The following JHY variants were observed in gnomAD, a reference collection of about 807,000 sequenced individuals.
JHY encodes junctional cadherin complex regulator.
JHY carries 69 observed loss-of-function variants against 78.0 expected under a neutral mutation model. The observed-to-expected ratio is 0.88, with a 90% confidence interval of 0.73 to 1.08. JHY has a LOEUF of 1.08. Among genes scored for constraint, JHY ranks in the 50% least tolerant of loss-of-function variants. The probability of loss-of-function intolerance (pLI) is 0.00; values close to 1 mark genes in which losing one functional copy is unlikely to be tolerated. For synonymous variants in JHY, 368 were observed against 342.6 expected (o/e 1.07, Z -0.82); for missense variants, 944 against 927.8 (o/e 1.02, Z -0.23).
intron 3 of JHY, among the ~76,000 whole-genome samples, chr11:122,919,464 T>C (rs1007232550): frequency 1.3e-5 from 2 of 151,090 alleles, no homozygotes; most frequent in African/African-American, 2.4e-5. Flanking sequence ...ATGGTGCCCC[T>C]GGCGCATCAG....
rs1863731054 is a variant in JHY, at chr11:122,935,315, A to G, written c.1634+240A>G. Among the ~76,000 whole-genome samples, 1 of 151,492 alleles carries G rather than the reference A, an allele frequency of 6.6e-6. No individual in the cohort carries two copies. Among genetic ancestry groups the G allele is most frequent in the South Asian group, 2.1e-4 (1 of 4,768 alleles). On this transcript the variant is annotated intron_variant, in intron 5 of 8. Transcript: ENST00000227349. The surrounding 1 kb of genome is among the most constrained non-coding windows in gnomAD (Gnocchi z 4.5). ...AGTGGTGCCATCTTGGCTCATTGCA[A>G]CCTCCGCCTCCCGAGCTCAAGCAAT... is the stretch of plus-strand genomic sequence containing the variant.
intron 6 of JHY, among the ~76,000 whole-genome samples, chr11:122,952,242 TTGG>T (rs1482364917): frequency 6.6e-6 from 1 of 152,158 alleles, no homozygotes; most frequent in Non-Finnish European, 1.5e-5. Context: ...TTTACACAAC[TTGG>T]TGAATATACT....
rs1410572880 is a variant in JHY, at chr11:122,946,792, G to A, written c.1929G>A (p.Lys643=). The A allele has an allele frequency of 6.3e-7, 1 of 1,599,262 alleles. No homozygotes were observed. The highest frequency in any genetic ancestry group is 8.5e-7 in the Non-Finnish European group (1 of 1,175,692). ...AGCATAAGAAAAGAAGCAGCAGTAA[G>A]GTAATAAAAGCGCCATTTTTACCAA... ...GKKHKKRSSS[K]NTKLKGYQKR... Residue 643 remains lysine (K), a splice_region_variant and synonymous_variant, in exon 6 of 9, where the codon AAG becomes AAA. Transcript: ENST00000227349.
At position 122,962,829 on chromosome 11, in the gene JHY, G is replaced by T. The variant is rs576074056; in HGVS notation, c.*3384G>T. Among the ~76,000 whole-genome samples the T allele has an allele frequency of 6.6e-6, 1 of 152,264 alleles. No homozygotes were observed. Among genetic ancestry groups the T allele is most frequent in the African/African-American group, 2.4e-5 (1 of 41,548 alleles). On this transcript the variant is annotated 3_prime_UTR_variant, in exon 9 of 9. Coordinates refer to ENST00000227349, the MANE Select transcript of JHY (RefSeq NM_024806.4). ...AAGAGAAAGGTTACATGACTCGGAA[G>T]TCCATCAGTCCTACTGAGAGTAATG...
rs1033878359 is a variant in JHY, at chr11:122,959,656, T to C, written c.*211T>C. 1.9e-6 allele frequency: 1 copy of C among 524,378 alleles called. No homozygotes were observed. The highest frequency in any genetic ancestry group is 3.3e-5 in the East Asian group (1 of 30,632). 32.5% of individuals were successfully genotyped at this position (524,378 alleles called of 1,614,324 possible). A position where few individuals can be genotyped will look rare whatever the true frequency, so the allele number is the denominator to read the frequency against. On this transcript the variant is annotated 3_prime_UTR_variant, in exon 9 of 9. Transcript: ENST00000227349. ...TAGGAAGAAAATTTTTTAAATTATT[T>C]ATTTTCAAATCAGTTAGAATTGGAG...
chr11:122,910,611 A>C (rs1362445090), intron 3 of JHY, among the ~76,000 whole-genome samples: 1 of 152,194 alleles, frequency 6.6e-6, no homozygotes, highest in Non-Finnish European at 1.5e-5. Context: ...ACAACTTTTT[A>C]CTGTGTACCT....
intron 2 of JHY, among the ~76,000 whole-genome samples, chr11:122,897,767 G>C (rs1341626439): frequency 6.6e-6 from 1 of 152,222 alleles, no homozygotes; most frequent in South Asian, 2.1e-4. Flanking sequence ...AGTCATGACT[G>C]TAGAAACTAT....
At chr11:122,945,055 C>T (rs1225797675) in intron 5 of JHY, among the ~76,000 whole-genome samples, 1 of 152,108 alleles carries the variant, frequency 6.6e-6, no homozygotes, top group Non-Finnish European at 1.5e-5. Flanking sequence ...CACACATGTT[C>T]CCTTTGAATA....
rs554969529 is a variant in JHY, at chr11:122,934,937, T to C, written c.1496T>C (p.Leu499Pro). The change falls in exon 5 of 9, where the codon CTT becomes CCT. Residue 499 changes from leucine (L) to proline (P), a missense_variant. Leu to Pro is a moderately conservative substitution (Grantham distance 98). Coordinates refer to ENST00000227349, the MANE Select transcript of JHY (RefSeq NM_024806.4). ...SDMDLNNLNE[L>P]SKRHVLLSQK... ...ATGGATTTGAACAACCTTAATGAAC[T>C]TTCTAAGAGACACGTGCTCCTGAGC... 1 of 1,614,170 alleles carries C rather than the reference T, an allele frequency of 6.2e-7. No homozygotes were observed. Among genetic ancestry groups the C allele is most frequent in the Middle Eastern group, 1.6e-4 (1 of 6,062 alleles).
intron 6 of JHY, among the ~76,000 whole-genome samples, chr11:122,948,186 G>A (rs1410374915): frequency 6.6e-6 from 1 of 152,160 alleles, no homozygotes; most frequent in Non-Finnish European, 1.5e-5. Flanking sequence ...GCTAACGCCT[G>A]TAATCCCAGC....
At chr11:122,958,668 C>A (rs1003891883) in intron 8 of JHY, 63 of 923,152 alleles carry the variant, frequency 6.8e-5, no homozygotes, top group Middle Eastern at 1.1e-3. Context: ...ATTTAGTGAT[C>A]TCATTTTTAT....
chr11:122,952,187 C>G (rs1467219956), intron 6 of JHY, among the ~76,000 whole-genome samples: 1 of 151,930 alleles, frequency 6.6e-6, no homozygotes, highest in Non-Finnish European at 1.5e-5. Context: ...GACAGGATTT[C>G]TTTTCAGGGT....
Position 122,960,858 on chromosome 11 carries a change from A to G in JHY, c.*1413A>G, listed in dbSNP as rs1864298028. The G allele has an allele frequency of 3.0e-6, 2 of 667,146 alleles. No homozygotes were observed. Among genetic ancestry groups the G allele is most frequent in the Admixed American group, 3.6e-5 (2 of 55,546 alleles). The allele number at this position is 667,146 out of a possible 1,614,324, so 41.3% of individuals were successfully genotyped here. On this transcript the variant is annotated 3_prime_UTR_variant, in exon 9 of 9. Transcript: ENST00000227349. ...TGATGTGCAGAGGAATAACATTGCT[A>G]TGGCTGTGGAGGTTACTTACTGGGA...
At chr11:122,916,635 T>G (rs1391251366) in intron 3 of JHY, among the ~76,000 whole-genome samples, 1 of 152,098 alleles carries the variant, frequency 6.6e-6, no homozygotes, top group Non-Finnish European at 1.5e-5. Flanking sequence ...GTTGTTTGTT[T>G]TTTGTTGTTG....
chr11:122,888,327 T>C lies in JHY; in HGVS notation c.344+2134T>C, dbSNP rs77624944. Among the ~76,000 whole-genome samples, 877 of 152,308 alleles carry C rather than the reference T, an allele frequency of 5.8e-3. 15 individuals carry two copies. Among genetic ancestry groups the C allele is most frequent in the African/African-American group, 0.02 (836 of 41,556 alleles). ...TTTGAATTAGAGACTAAACACACAA[T>C]GGGCAAAGAGACTGCTGGATGGATA... On this transcript the variant is annotated intron_variant, in intron 2 of 8. Transcript: ENST00000227349.
rs150070440 is a variant in JHY, at chr11:122,886,152, C to T, written c.303C>T (p.Arg101=). 1.5e-5 allele frequency: 25 copies of T among 1,613,642 alleles called. No individual in the cohort carries two copies. The highest frequency in any genetic ancestry group is 2.7e-5 in the African/African-American group (2 of 74,848). Residue 101 remains arginine, a synonymous_variant, in exon 2 of 9, where the codon CGC becomes CGT. Transcript: ENST00000227349. ...GTGGAAAAGCAGCTCAGATGGCTCG[C>T]GAGCAAAACCACCATACCTGGGACC... is the stretch of plus-strand genomic sequence containing the variant. ...EASGKAAQMA[R]EQNHHTWDQG...
Position 122,933,755 on chromosome 11 carries a change from T to C in JHY, c.979-665T>C, listed in dbSNP as rs145535388. On this transcript the variant is annotated intron_variant, in intron 4 of 8. Transcript: ENST00000227349. ...TCTGACCAGCATGAGTAAAAAGATC[T>C]GATCATCTCAATTGTATTTAATATT... Among the ~76,000 whole-genome samples, 167 of 152,350 alleles carry C rather than the reference T, an allele frequency of 1.1e-3. 1 individual carries two copies. Among genetic ancestry groups the C allele is most frequent in the African/African-American group, 3.9e-3 (162 of 41,578 alleles).
chr11:122,899,233 T>A, intron 2 of JHY, among the ~76,000 whole-genome samples: 1 of 152,222 alleles, frequency 6.6e-6, no homozygotes, highest in Non-Finnish European at 1.5e-5. Flanking sequence ...AAATACCTGC[T>A]GAATCAATGA....
At chr11:122,957,252 G>A (rs1393028083) in intron 7 of JHY, 111 bp from the exon 8 acceptor site, 1 of 1,247,748 alleles carries the variant, frequency 8.0e-7, no homozygotes, top group Non-Finnish European at 1.1e-6. Context: ...CATTGCTCCT[G>A]TACAGCTGAT....
Sources: gnomAD v4.1 joint callset for allele counts (sites outside exome capture counted in the v4.1 genomes callset) on GRCh38, gnomAD v4.1.1 for gene constraint, Gnocchi (gnomAD v3.1) non-coding constraint, MANE v1.5 for transcripts, NCBI Gene and HGNC (gene_info 2026-07-23, HGNC 2026-07-21) for gene names.